BABAM2: variants seen among roughly 807,000 people sequenced by gnomAD.
BABAM2 encodes BRISC and BRCA1 A complex member 2.
BABAM2 carries 31 observed loss-of-function variants against 54.7 expected under a neutral mutation model. The ratio of observed to expected loss-of-function variants is 0.57; its 90% confidence interval spans 0.43 to 0.77. The LOEUF is 0.77. Among genes scored for constraint, BABAM2 ranks in the 30% least tolerant of loss-of-function variants. BABAM2 has a pLI of 0.00. For missense variants in BABAM2, 364 were observed against 455.8 expected (o/e 0.80, Z 1.83); for synonymous variants, 167 against 162.9 (o/e 1.03, Z -0.19).
chr2:28,173,005 T>C (rs1237104261), intron 7 of BABAM2, among the ~76,000 whole-genome samples: 3 of 152,214 alleles, frequency 2.0e-5, no homozygotes, highest in Admixed American at 6.5e-5. Context: ...TGTCCTCTTA[T>C]GGCAGAGAAA....
At chr2:28,238,150 A>G (rs535235057) in intron 8 of BABAM2, among the ~76,000 whole-genome samples, 6 of 152,226 alleles carry the variant, frequency 3.9e-5, no homozygotes, top group Non-Finnish European at 8.8e-5. Context: ...GCGCCCAGCC[A>G]GTCAGCTGGT....
intron 10 of BABAM2, among the ~76,000 whole-genome samples, chr2:28,296,467 T>A (rs1409721168): frequency 2.0e-5 from 3 of 152,052 alleles, no homozygotes; most frequent in Non-Finnish European, 4.4e-5. Flanking sequence ...CAGCACTGAG[T>A]CAGTCATCAT....
At chr2:28,195,859 T>C (rs951035127) in intron 7 of BABAM2, among the ~76,000 whole-genome samples, 2 of 152,234 alleles carry the variant, frequency 1.3e-5, no homozygotes, top group East Asian at 1.9e-4. Context: ...AATGCACATA[T>C]AAAATATTAG....
At chr2:28,238,991 A>G (rs1268412260) in intron 8 of BABAM2, among the ~76,000 whole-genome samples, 7 of 152,192 alleles carry the variant, frequency 4.6e-5, no homozygotes, top group Non-Finnish European at 1.0e-4. Context: ...TTTAGAAACA[A>G]TCTCTTCAAA....
At chr2:28,197,069 C>T in intron 7 of BABAM2, among the ~76,000 whole-genome samples, 1 of 151,698 alleles carries the variant, frequency 6.6e-6, no homozygotes, top group Non-Finnish European at 1.5e-5. Flanking sequence ...CCAGGCTGGT[C>T]TCAAACTCCT....
intron 10 of BABAM2, among the ~76,000 whole-genome samples, chr2:28,258,774 G>A (rs899280891): frequency 1.3e-5 from 2 of 150,944 alleles, no homozygotes; most frequent in African/African-American, 2.4e-5. Context: ...CGCCATGCCT[G>A]GCTAATTTTT....
At chr2:28,315,763 G>A (rs988588611) in intron 11 of BABAM2, among the ~76,000 whole-genome samples, 2 of 151,868 alleles carry the variant, frequency 1.3e-5, no homozygotes, top group Non-Finnish European at 2.9e-5. Flanking sequence ...AAAGTGCAGG[G>A]ATTACAGGCA....
chr2:28,255,519 C>T (rs1683894750), intron 10 of BABAM2, among the ~76,000 whole-genome samples: 1 of 152,164 alleles, frequency 6.6e-6, no homozygotes, highest in Non-Finnish European at 1.5e-5. Context: ...AAGTGATCCA[C>T]CCACCTTGGC....
At chr2:28,045,692 T>G (rs1317357284) in intron 5 of BABAM2, 33 bp from the exon 6 acceptor site, 1 of 1,562,998 alleles carries the variant, frequency 6.4e-7, no homozygotes, top group African/African-American at 1.4e-5. Flanking sequence ...TATTTTTGAT[T>G]TTAATCTTAT....
At chr2:28,033,409 T>G (rs901039605) in intron 5 of BABAM2, among the ~76,000 whole-genome samples, 3 of 152,116 alleles carry the variant, frequency 2.0e-5, no homozygotes, top group Non-Finnish European at 4.4e-5. Context: ...TGAGAAGTCC[T>G]AGGTTGAGAG....
chr2:28,044,116 C>T (rs568003673), intron 5 of BABAM2, among the ~76,000 whole-genome samples: 46 of 152,168 alleles, frequency 3.0e-4, no homozygotes, highest in African/African-American at 8.9e-4. Context: ...ATGCTGTGAG[C>T]GGTAAAACAA....
intron 7 of BABAM2, among the ~76,000 whole-genome samples, chr2:28,148,036 C>A (rs761865230): frequency 6.6e-6 from 1 of 152,146 alleles, no homozygotes; most frequent in South Asian, 2.1e-4. Flanking sequence ...AGACTGAACA[C>A]CTTGTTCAAG....
intron 6 of BABAM2, among the ~76,000 whole-genome samples, chr2:28,093,741 C>T (rs1445317472): frequency 6.6e-6 from 1 of 152,158 alleles, no homozygotes; most frequent in Non-Finnish European, 1.5e-5. Flanking sequence ...TTGAACATCT[C>T]CTTTGTACAT....
intron 7 of BABAM2, among the ~76,000 whole-genome samples, chr2:28,217,772 G>C (rs1339540027): frequency 6.6e-6 from 1 of 152,022 alleles, no homozygotes; most frequent in African/African-American, 2.4e-5. Context: ...TCAGTCTATA[G>C]GTATTTATTG....
rs1222267673 is a variant in BABAM2 at position 27,929,837 on chromosome 2, C to T, written c.134C>T (p.Thr45Ile). The T allele has an allele frequency of 6.2e-7, 1 of 1,613,230 alleles. No homozygotes were observed. Among genetic ancestry groups the T allele is most frequent in the Non-Finnish European group, 8.5e-7 (1 of 1,179,514 alleles). The change falls in exon 3 of 12, where the codon ACA becomes ATA. Residue 45 changes from threonine to isoleucine, a missense_variant. By Grantham distance (89) the Thr-to-Ile change is moderately conservative. Coordinates refer to ENST00000379624, the MANE Select transcript of BABAM2 (RefSeq NM_199191.3). ...LRITDLKSGC[T>I]SLTPGPNCDR... is the part of the protein sequence containing the mutation. ...TGTTTCTGCATTTTTTAAAGCTGCACATCATTGACTCCTGGGCCCAACTGT... is the reference window on the plus strand; with the variant it reads ...TGTTTCTGCATTTTTTAAAGCTGCATATCATTGACTCCTGGGCCCAACTGT...
chr2:28,214,418 T>G (rs1388139682), intron 7 of BABAM2, among the ~76,000 whole-genome samples: 2 of 152,204 alleles, frequency 1.3e-5, no homozygotes, highest in Admixed American at 6.5e-5. Flanking sequence ...CGATTAACTT[T>G]TGTGTGTTGA....
In BABAM2 at chr2:28,194,575, C is replaced by CTTTTT. The variant is rs10684650; in HGVS notation, c.681-42610_681-42606dup. ...ATTTGTTGTATGATTACAACGTAGA[C>CTTTTT]TTTTTTTTTTTTTTTTTTTTTGAGA... On this transcript the variant is annotated intron_variant, in intron 7 of 11. Transcript: ENST00000379624. Among the ~76,000 whole-genome samples, 93 of 99,178 alleles carry CTTTTT rather than the reference C, an allele frequency of 9.4e-4. 2 individuals are homozygous for CTTTTT. The highest frequency in any genetic ancestry group is 1.2e-3 in the Non-Finnish European group (62 of 53,662). 65.1% of individuals were successfully genotyped at this position (99,178 alleles called of 152,430 possible). A position where few individuals can be genotyped will look rare whatever the true frequency, so the allele number is the denominator to read the frequency against.
At chr2:28,205,962 A>C (rs1219241638) in intron 7 of BABAM2, among the ~76,000 whole-genome samples, 2 of 152,122 alleles carry the variant, frequency 1.3e-5, no homozygotes, top group Non-Finnish European at 2.9e-5. Flanking sequence ...CATTTGTTTA[A>C]ATTTTTCCGT....
At chr2:28,086,178 A>G (rs776258451) in intron 6 of BABAM2, among the ~76,000 whole-genome samples, 5 of 152,240 alleles carry the variant, frequency 3.3e-5, no homozygotes, top group Admixed American at 6.5e-5. Flanking sequence ...AGACAAATAG[A>G]TGGAAGAATT....
Sources: allele counts gnomAD v4.1 joint callset (sites outside exome capture counted in the v4.1 genomes callset), GRCh38; gene constraint gnomAD v4.1.1; transcripts MANE v1.5; gene names NCBI Gene and HGNC (gene_info 2026-07-23, HGNC 2026-07-21).